The following MYOM1 variants were observed in gnomAD, a reference collection of about 807,000 sequenced individuals.
The protein encoded by MYOM1 is myomesin-1.
Under a neutral mutation model 205.3 loss-of-function variants are expected in MYOM1, and 164 were observed. That is an observed-to-expected ratio of 0.80 (90% CI 0.70 to 0.91). The LOEUF is 0.91. Among genes scored for constraint, MYOM1 ranks in the 40% least tolerant of loss-of-function variants. MYOM1 has a pLI of 0.00. For missense variants in MYOM1, 2,011 were observed against 2,127.3 expected (o/e 0.95, Z 1.08); for synonymous variants, 772 against 789.4 (o/e 0.98, Z 0.37).
intron 14 of MYOM1, among the ~76,000 whole-genome samples, chr18:3,139,984 C>T (rs1019036156): frequency 2.6e-5 from 4 of 152,192 alleles, no homozygotes; most frequent in African/African-American, 9.7e-5. Context: ...TAACTACTGT[C>T]ACAGAGGTTA....
At chr18:3,172,098 T>C (rs2080566142) in intron 8 of MYOM1, among the ~76,000 whole-genome samples, 1 of 152,216 alleles carries the variant, frequency 6.6e-6, no homozygotes, top group African/African-American at 2.4e-5. Flanking sequence ...AAAGTCTTAG[T>C]ACATTGTCTG....
intron 20 of MYOM1, among the ~76,000 whole-genome samples, chr18:3,117,711 C>T (rs1285269677): frequency 6.6e-6 from 1 of 151,844 alleles, no homozygotes; most frequent in Non-Finnish European, 1.5e-5. Context: ...TCAAAATCAC[C>T]TGAAGTGACT....
intron 36 of MYOM1, among the ~76,000 whole-genome samples, chr18:3,072,610 T>C (rs2078973453): frequency 6.6e-6 from 1 of 151,984 alleles, no homozygotes; most frequent in African/African-American, 2.4e-5. Context: ...CGCCTCTGCC[T>C]CCCAAATTGC....
chr18:3,240,427 AC>A, the MYOM1 span, among the ~76,000 whole-genome samples: 16 of 152,284 alleles, frequency 1.1e-4, no homozygotes, highest in Admixed American at 3.3e-4. Flanking sequence ...AATAACTCTG[AC>A]GAGATCTGAT....
chr18:3,123,083 C>T (rs992997271), intron 19 of MYOM1, among the ~76,000 whole-genome samples: 2 of 152,178 alleles, frequency 1.3e-5, no homozygotes, highest in African/African-American at 4.8e-5. Context: ...GCCTCAGGCT[C>T]CCAAAGTGCT....
At chr18:3,213,624 C>T (rs953936205) in intron 2 of MYOM1, among the ~76,000 whole-genome samples, 1 of 152,210 alleles carries the variant, frequency 6.6e-6, no homozygotes, top group Non-Finnish European at 1.5e-5. Context: ...GACATTTCTC[C>T]CAGGGACGTT....
At position 3,135,628 on chromosome 18, in the gene MYOM1, A is replaced by G. The variant is rs760509370; in HGVS notation, c.2128T>C (p.Phe710Leu). Residue 710 changes from phenylalanine to leucine, a missense_variant, in exon 15 of 38, where the codon TTC (phenylalanine) becomes CTC (leucine). By Grantham distance (22) the Phe-to-Leu change is conservative. Transcript: ENST00000356443. This position sits in a 1 kb window ranked among gnomAD's most constrained non-coding sequence, Gnocchi z 4.1. ...GCAGAATTAGAACAGCGGACACGGA[A>G]ACAGTAGGATTTCCCCTCGGCCAAG... The part of the protein sequence containing the change: ...FDLAEGKSYC[F>L]RVRCSNSAGV... 4.3e-6 allele frequency: 7 copies of G among 1,613,910 alleles called. No homozygotes were observed. The highest frequency in any genetic ancestry group is 5.9e-6 in the Non-Finnish European group (7 of 1,179,876).
chr18:3,135,694 T>A lies in MYOM1; in HGVS notation c.2062A>T (p.Thr688Ser), dbSNP rs188677538. Residue 688 changes from threonine to serine, a missense_variant, in exon 15 of 38, where the codon ACG becomes TCG. Thr to Ser is a moderately conservative substitution (Grantham distance 58, BLOSUM62 1). Transcript: ENST00000356443. The surrounding 1 kb of genome is among the most constrained non-coding windows in gnomAD (Gnocchi z 4.1). Reference protein sequence around the residue: ...AGTENWQRVNTELPVKSPRFA... With the variant: ...AGTENWQRVNSELPVKSPRFA... ...CGGGGAGACTTCACAGGGAGCTCCG[T>A]GTTCACTCGCTGCCAGTTTTCTGTT... 3.5e-3 allele frequency: 5,720 copies of A among 1,613,898 alleles called. 23 individuals are homozygous for A. The highest frequency in any genetic ancestry group is 4.0e-3 in the Non-Finnish European group (4,733 of 1,179,866).
intron 30 of MYOM1, 68 bp from the exon 31 acceptor site, chr18:3,085,200 T>C: frequency 1.1e-6 from 1 of 900,516 alleles, no homozygotes; most frequent in Non-Finnish European, 1.6e-6. Flanking sequence ...GTGATTTTTT[T>C]TTTTCTTCTG....
chr18:3,174,339 C>T (rs938169182), intron 6 of MYOM1, 131 bp from the exon 7 acceptor site: 32 of 712,174 alleles, frequency 4.5e-5, no homozygotes, highest in Non-Finnish European at 7.2e-5. Flanking sequence ...CTTTGGTTCT[C>T]CTGGTACAGC....
chr18:3,151,671 C>A (rs746246225), intron 12 of MYOM1, 23 bp downstream of exon 12: 1 of 1,598,624 alleles, frequency 6.3e-7, no homozygotes, highest in Admixed American at 1.7e-5. Flanking sequence ...TAGGGAAGGT[C>A]CTGAAAAATG....
intron 27 of MYOM1, among the ~76,000 whole-genome samples, chr18:3,089,995 A>G (rs561946953): frequency 6.6e-6 from 1 of 152,164 alleles, no homozygotes; most frequent in East Asian, 1.9e-4. Flanking sequence ...TACAGTAAGT[A>G]CACGTGGCAA....
In MYOM1 at chr18:3,189,172, C is replaced by A. The variant is rs11659997; in HGVS notation, c.432-85G>T. 79,279 of 1,279,050 alleles carry A rather than the reference C, an allele frequency of 0.062. 3,302 individuals carry two copies. The highest frequency in any genetic ancestry group is 0.19 in the African/African-American group (12,804 of 67,942). The allele number at this position is 1,279,050 out of a possible 1,614,324, so 79.2% of individuals were successfully genotyped here. On this transcript the variant is annotated intron_variant, in intron 3 of 37. Coordinates refer to ENST00000356443, the MANE Select transcript of MYOM1 (RefSeq NM_003803.4). The surrounding 1 kb of genome is among the most constrained non-coding windows in gnomAD (Gnocchi z 4.8). ...TTTTACTAAGTTCAAAGTACCACATCTCAGACACTGTATCCTGCACCAAAA... is the reference window on the plus strand; with the variant it reads ...TTTTACTAAGTTCAAAGTACCACATATCAGACACTGTATCCTGCACCAAAA...
At chr18:3,088,813 A>G (rs745527702) in intron 29 of MYOM1, among the ~76,000 whole-genome samples, 2 of 152,216 alleles carry the variant, frequency 1.3e-5, no homozygotes, top group Non-Finnish European at 2.9e-5. Flanking sequence ...TTTACATGGC[A>G]AGGTCCACGA....
chr18:3,103,281 C>A (rs2079405986), intron 22 of MYOM1, among the ~76,000 whole-genome samples: 1 of 152,092 alleles, frequency 6.6e-6, no homozygotes, highest in Admixed American at 6.5e-5. Flanking sequence ...GTGATAGCAA[C>A]TGAGAAATGA....
At position 3,100,203 on chromosome 18, in the gene MYOM1, T is replaced by C. The variant is rs1348019580; in HGVS notation, c.3683A>G (p.Glu1228Gly). Residue 1228 changes from glutamate (E) to glycine (G), a missense_variant and splice_region_variant, in exon 25 of 38, where the codon GAA becomes GGA. Coordinates refer to ENST00000356443, the MANE Select transcript of MYOM1 (RefSeq NM_003803.4). ...IASSYLIDEE[E>G]LKRLLALSHE... ...GCTGAGAGCAAGTAAACGTTTCAAT[T>C]CTGTAGGGGGAAAAAGAAGGCAGTT... 3 of 1,613,910 alleles carry C rather than the reference T, an allele frequency of 1.9e-6. No homozygotes were observed. The highest frequency in any genetic ancestry group is 1.7e-5 in the Admixed American group (1 of 60,014).
intron 10 of MYOM1, among the ~76,000 whole-genome samples, chr18:3,158,527 G>A (rs1246800234): frequency 6.6e-6 from 1 of 152,170 alleles, no homozygotes; most frequent in Non-Finnish European, 1.5e-5. Context: ...AGCAGTGCCT[G>A]TTCCTCCATT....
intron 20 of MYOM1, among the ~76,000 whole-genome samples, chr18:3,119,476 G>T (rs1598691368): frequency 6.6e-6 from 1 of 152,298 alleles, no homozygotes; most frequent in East Asian, 1.9e-4. Context: ...ACAAAGAAGT[G>T]CAGGGAGAAG....
At chr18:3,148,843 CCAA>C (rs2080172979) in intron 13 of MYOM1, among the ~76,000 whole-genome samples, 6 of 42,286 alleles carry the variant, frequency 1.4e-4, no homozygotes, top group African/African-American at 6.3e-4. Context: ...GAGACTCCAT[CCAA>C]AAAAAAAAAA....
Sources: allele counts gnomAD v4.1 joint callset (sites outside exome capture counted in the v4.1 genomes callset), GRCh38; gene constraint gnomAD v4.1.1; non-coding constraint Gnocchi (gnomAD v3.1); transcripts MANE v1.5; gene names NCBI Gene and HGNC (gene_info 2026-07-23, HGNC 2026-07-21).